SNTG1: variants seen among roughly 807,000 people sequenced by gnomAD.
SNTG1 encodes the protein syntrophin gamma 1.
Under a neutral mutation model 74.7 loss-of-function variants are expected in SNTG1, and 39 were observed. The ratio of observed to expected loss-of-function variants is 0.52; its 90% CI spans 0.40 to 0.68. SNTG1 has a LOEUF of 0.68. SNTG1 is among the 30% of genes least tolerant of loss of function. SNTG1 has a pLI of 0.00. For synonymous variants in SNTG1, 254 were observed against 217.1 expected, an observed-to-expected ratio of 1.17 and a Z score of -1.49; for missense variants, 685 against 609.5, an observed-to-expected ratio of 1.12 and a Z score of -1.30.
chr8:50,752,292 A>T (rs892982246), intron 18 of SNTG1, among the ~76,000 whole-genome samples, 181 bp downstream of exon 18: 1 of 152,016 alleles, frequency 6.6e-6, no homozygotes, highest in African/African-American at 2.4e-5. Context: ...CTTTTCACTT[A>T]AAGGCAGCAC....
chr8:50,504,510 G>T (rs951665200), intron 9 of SNTG1, among the ~76,000 whole-genome samples: 1 of 152,164 alleles, frequency 6.6e-6, no homozygotes, highest in Admixed American at 6.5e-5. Context: ...GCCGAATTTA[G>T]GTGGGGTGCA....
At chr8:50,511,812 T>C (rs2094079396) in intron 9 of SNTG1, among the ~76,000 whole-genome samples, 2 of 152,208 alleles carry the variant, frequency 1.3e-5, no homozygotes, top group African/African-American at 4.8e-5. Context: ...TGTGTGTCTC[T>C]GCACGTGAGG....
chr8:49,911,111 A>G (rs1050349948), upstream of SNTG1: 1 of 152,180 alleles, frequency 6.6e-6, no homozygotes, highest in Non-Finnish European at 1.5e-5. Flanking sequence ...TAAAATTTTA[A>G]CAATAACCTA....
chr8:50,281,813 AG>A (rs1413578624), intron 2 of SNTG1, among the ~76,000 whole-genome samples: 1 of 152,208 alleles, frequency 6.6e-6, no homozygotes, highest in African/African-American at 2.4e-5. Context: ...TATATAAGTG[AG>A]CAAGAGTAGC....
intron 1 of SNTG1, among the ~76,000 whole-genome samples, chr8:49,913,271 T>A (rs953939796): frequency 6.6e-6 from 1 of 152,234 alleles, no homozygotes; most frequent in African/African-American, 2.4e-5. Context: ...CATAATCAAC[T>A]CTGTGAAAAG....
In SNTG1 at chr8:50,335,824, T is replaced by TATTTTATTTA. The variant is rs1432597914; in HGVS notation, c.-27-58379_-27-58378insAATTTTATTT. Among the ~76,000 whole-genome samples, 11 of 134,928 alleles carry TATTTTATTTA rather than the reference T, an allele frequency of 8.2e-5. No individual in the cohort carries two copies. The East Asian group carries it at 2.7e-3, about 33-fold the overall frequency. The allele number at this position is 134,928 out of a possible 152,430, so 88.5% of individuals were successfully genotyped here. A position where few individuals can be genotyped will look rare whatever the true frequency, so the allele number is the denominator to read the frequency against. On this transcript the variant is annotated intron_variant, in intron 2 of 18. Coordinates refer to ENST00000642720, the MANE Select transcript of SNTG1 (RefSeq NM_018967.5). ...TCTATGCTTTTATGTTTTATTATTTTATTTTATTTTATTTTATTTTATTTT... is the reference window on the plus strand; with the variant it reads ...TCTATGCTTTTATGTTTTATTATTTTATTTTATTTAATTTTATTTTATTTTATTTTATTTT...
At chr8:50,237,008 G>T (rs2085938028) in intron 2 of SNTG1, among the ~76,000 whole-genome samples, 1 of 152,120 alleles carries the variant, frequency 6.6e-6, no homozygotes. Context: ...ATACAAACAA[G>T]TACTTAGTAT....
chr8:50,168,317 C>A lies in SNTG1; in HGVS notation c.-102-4244C>A, dbSNP rs541643124. ...AGACAATCAAATGTAAATAAGGCCA[C>A]AAATTGTAGATTTACTATTAAGACC... On this transcript the variant is annotated intron_variant, in intron 1 of 18. Coordinates refer to ENST00000642720, the MANE Select transcript of SNTG1 (RefSeq NM_018967.5). Among the ~76,000 whole-genome samples, 3 of 152,208 alleles carry A rather than the reference C, an allele frequency of 2.0e-5. No homozygotes were observed. In the South Asian group the frequency reaches 6.2e-4, roughly 32 times the overall value.
At chr8:50,728,076 T>A (rs906248636) in intron 17 of SNTG1, among the ~76,000 whole-genome samples, 1 of 152,132 alleles carries the variant, frequency 6.6e-6, no homozygotes, top group South Asian at 2.1e-4. Context: ...GGAAAGGTGA[T>A]AGCTGCAACC....
chr8:50,657,499 C>T (rs2095190618), intron 14 of SNTG1, among the ~76,000 whole-genome samples: 1 of 152,044 alleles, frequency 6.6e-6, no homozygotes, highest in Non-Finnish European at 1.5e-5. Context: ...ATTTATTCAG[C>T]ACTTTTAATT....
At chr8:50,234,100 C>G (rs182112567) in intron 2 of SNTG1, among the ~76,000 whole-genome samples, 9 of 152,012 alleles carry the variant, frequency 5.9e-5, no homozygotes, top group Non-Finnish European at 1.0e-4. Context: ...GATCCATACA[C>G]AATTATTCAT....
chr8:50,469,038 G>T (rs74587062), intron 8 of SNTG1, among the ~76,000 whole-genome samples: 1 of 152,070 alleles, frequency 6.6e-6, no homozygotes, highest in African/African-American at 2.4e-5. Context: ...ACAAGAATGA[G>T]AAAAGCAAGA....
intron 2 of SNTG1, among the ~76,000 whole-genome samples, chr8:50,339,849 C>T (rs370970614): frequency 4.0e-5 from 6 of 151,828 alleles, no homozygotes; most frequent in Non-Finnish European, 7.4e-5. Flanking sequence ...CATTAAAATG[C>T]TCTAAATATA....
At chr8:50,471,886 A>C (rs2093656815) in intron 8 of SNTG1, among the ~76,000 whole-genome samples, 1 of 152,206 alleles carries the variant, frequency 6.6e-6, no homozygotes, top group Admixed American at 6.5e-5. Context: ...TTGACACATA[A>C]AAATCAGTTG....
At chr8:50,489,328 C>T (rs1454004763) in intron 8 of SNTG1, among the ~76,000 whole-genome samples, 1 of 152,138 alleles carries the variant, frequency 6.6e-6, no homozygotes, top group Non-Finnish European at 1.5e-5. Context: ...ATTTCTTGTT[C>T]TAGATCCTTG....
intron 1 of SNTG1, among the ~76,000 whole-genome samples, chr8:49,928,255 T>A (rs1275252686): frequency 1.3e-5 from 2 of 150,696 alleles, no homozygotes; most frequent in Non-Finnish European, 3.0e-5. Context: ...TGAGACAGAG[T>A]CTAGCTCTGT....
intron 13 of SNTG1, among the ~76,000 whole-genome samples, chr8:50,610,898 C>T (rs2094845130): frequency 6.6e-6 from 1 of 152,000 alleles, no homozygotes; most frequent in Admixed American, 6.6e-5. Flanking sequence ...GTTTATTTTT[C>T]AGCTTTATAT....
chr8:50,402,370 A>AT (rs777254868), intron 4 of SNTG1, 26 bp downstream of exon 4: 3 of 1,562,536 alleles, frequency 1.9e-6, no homozygotes, highest in Non-Finnish European at 8.6e-7. Context: ...TTCTGTTGAA[A>AT]TTTTTTGTGT....
chr8:50,433,402 C>T (rs1416874120), intron 4 of SNTG1, among the ~76,000 whole-genome samples: 1 of 151,914 alleles, frequency 6.6e-6, no homozygotes, highest in Non-Finnish European at 1.5e-5. Flanking sequence ...ACAGGGATAT[C>T]CTGGCCTTAT....
Sources: allele counts gnomAD v4.1 joint callset (sites outside exome capture counted in the v4.1 genomes callset), GRCh38; gene constraint gnomAD v4.1.1; transcripts MANE v1.5; gene names NCBI Gene and HGNC (gene_info 2026-07-23, HGNC 2026-07-21).